DKK2: variants seen among roughly 807,000 people sequenced by gnomAD.
The protein encoded by DKK2 is dickkopf-related protein 2.
In DKK2, 11 loss-of-function variants were observed where a neutral mutation model predicts 28.1. The observed-to-expected ratio is 0.39, with a 90% CI of 0.25 to 0.65. The LOEUF is 0.65. Among genes scored for constraint, DKK2 ranks in the 30% least tolerant of loss-of-function variants. The probability of loss-of-function intolerance (pLI) is 0.47; values close to 1 mark genes in which losing one functional copy is unlikely to be tolerated. For missense variants in DKK2, 326 were observed against 335.5 expected (o/e 0.97, Z 0.22); for synonymous variants, 135 against 126.5 (o/e 1.07, Z -0.45).
chr4:107,032,743 T>TA (rs768480511), intron 1 of DKK2, among the ~76,000 whole-genome samples: 3 of 152,110 alleles, frequency 2.0e-5, no homozygotes, highest in Non-Finnish European at 4.4e-5. Context: ...AAATAAAACT[T>TA]ATTAGGTCTT....
At chr4:107,010,148 A>G (rs1723496429) in intron 1 of DKK2, among the ~76,000 whole-genome samples, 1 of 151,662 alleles carries the variant, frequency 6.6e-6, no homozygotes, top group Non-Finnish European at 1.5e-5. Context: ...GCCCTCCCCC[A>G]AAGTAGGAAA....
rs887279355 is a variant in DKK2, at chr4:107,035,824, T to C, written c.-233A>G. The C allele has an allele frequency of 7.0e-6, 4 of 572,622 alleles. No individual in the cohort carries two copies. Among genetic ancestry groups the C allele is most frequent in the Middle Eastern group, 9.2e-4 (2 of 2,170 alleles). 35.5% of individuals were successfully genotyped at this position (572,622 alleles called of 1,614,324 possible). A position where few individuals can be genotyped will look rare whatever the true frequency, so the allele number is the denominator to read the frequency against. ...GCTTCTCCACCAGGACAGGAAGTTC[T>C]GCAATAACTGGAAGCAATCAAATGC... On this transcript the variant is annotated 5_prime_UTR_variant, in exon 1 of 4. Coordinates refer to ENST00000285311, the MANE Select transcript of DKK2 (RefSeq NM_014421.3).
At position 106,925,893 on chromosome 4, in the gene DKK2, G is replaced by T. The variant is rs1724417828; in HGVS notation, c.279C>A (p.Pro93=). ...ECEVGRYCHS[P]HQGSSACMVC... ...CCATGCAGGCCGATGATCCTTGGTG[G>T]GGACTGTGGCAATACCTCCCAACTT... Residue 93 remains proline, a synonymous_variant, in exon 2 of 4, where the codon CCC becomes CCA. Coordinates refer to ENST00000285311, the MANE Select transcript of DKK2 (RefSeq NM_014421.3). 1.9e-6 allele frequency: 3 copies of T among 1,613,684 alleles called. No homozygotes were observed. Among genetic ancestry groups the T allele is most frequent in the Non-Finnish European group, 1.7e-6 (2 of 1,179,850 alleles).
chr4:106,938,320 A>G (rs976606471), intron 1 of DKK2, among the ~76,000 whole-genome samples: 15 of 152,232 alleles, frequency 9.9e-5, no homozygotes, highest in African/African-American at 3.6e-4. Flanking sequence ...CCAAACTACC[A>G]TCAGAGAATA....
At chr4:106,960,143 T>C (rs1454003840) in intron 1 of DKK2, among the ~76,000 whole-genome samples, 2 of 148,346 alleles carry the variant, frequency 1.3e-5, no homozygotes, top group African/African-American at 2.5e-5. Context: ...CACACACACA[T>C]ATATATACAT....
intron 1 of DKK2, among the ~76,000 whole-genome samples, chr4:107,032,903 C>T (rs967178106): frequency 1.3e-5 from 2 of 151,030 alleles, no homozygotes; most frequent in East Asian, 3.9e-4. Context: ...AACATCTTCC[C>T]TGTAATAGCC....
At chr4:106,988,057 G>C (rs929052668) in intron 1 of DKK2, among the ~76,000 whole-genome samples, 1 of 152,124 alleles carries the variant, frequency 6.6e-6, no homozygotes, top group East Asian at 1.9e-4. Context: ...ATAGAGACAG[G>C]GTTTCACCAT....
intron 1 of DKK2, among the ~76,000 whole-genome samples, chr4:107,007,048 A>G (rs1331829226): frequency 6.6e-6 from 1 of 152,182 alleles, no homozygotes; most frequent in Non-Finnish European, 1.5e-5. Context: ...AATAGGACTG[A>G]AAGTCTTCAG....
chr4:106,995,703 C>T (rs1723262650), intron 1 of DKK2, among the ~76,000 whole-genome samples: 1 of 152,170 alleles, frequency 6.6e-6, no homozygotes, highest in Non-Finnish European at 1.5e-5. Flanking sequence ...ACCTGCGCCT[C>T]CTGGGTTCAA....
intron 1 of DKK2, among the ~76,000 whole-genome samples, chr4:106,935,075 T>C (rs1724559523): frequency 6.6e-6 from 1 of 152,104 alleles, no homozygotes; most frequent in East Asian, 1.9e-4. Context: ...AATAGACTAA[T>C]AAACCTTTTG....
At chr4:106,928,842 G>GCAGTTGC (rs1382561482) in intron 1 of DKK2, among the ~76,000 whole-genome samples, 1 of 152,162 alleles carries the variant, frequency 6.6e-6, no homozygotes, top group Non-Finnish European at 1.5e-5. Context: ...TGAGGGTTCT[G>GCAGTTGC]CAGTTGCCAG....
intron 2 of DKK2, among the ~76,000 whole-genome samples, chr4:106,925,058 T>C (rs1033726901): frequency 2.6e-5 from 4 of 152,208 alleles, no homozygotes; most frequent in Admixed American, 2.0e-4. Flanking sequence ...TCCAGATTCC[T>C]TTATTAATTA....
intron 1 of DKK2, among the ~76,000 whole-genome samples, chr4:106,988,076 G>C (rs868490469): frequency 6.6e-6 from 1 of 152,122 alleles, no homozygotes; most frequent in African/African-American, 2.4e-5. Flanking sequence ...ATGTTAGCCA[G>C]GATGGTCTCA....
chr4:106,925,587 T>A (rs1724412974), intron 2 of DKK2, among the ~76,000 whole-genome samples: 1 of 152,204 alleles, frequency 6.6e-6, no homozygotes. Context: ...ATATTCTAGA[T>A]CAGTGTAGGT....
chr4:106,978,505 C>T (rs753215507), intron 1 of DKK2, among the ~76,000 whole-genome samples: 42 of 152,038 alleles, frequency 2.8e-4, no homozygotes, highest in South Asian at 2.1e-4. Flanking sequence ...TGGGCTCTGC[C>T]GAGTTCAAAC....
intron 1 of DKK2, among the ~76,000 whole-genome samples, chr4:107,013,016 C>T: frequency 6.6e-6 from 1 of 150,772 alleles, no homozygotes; most frequent in East Asian, 1.9e-4. Context: ...CCATCCAACC[C>T]AAGAACTATA....
chr4:106,940,182 A>C (rs1476462710), intron 1 of DKK2, among the ~76,000 whole-genome samples: 1 of 152,212 alleles, frequency 6.6e-6, no homozygotes, highest in Non-Finnish European at 1.5e-5. Flanking sequence ...AACCTGCAAA[A>C]TGGGAGAAAA....
chr4:106,943,687 A>G (rs145108930), intron 1 of DKK2, among the ~76,000 whole-genome samples: 4 of 152,112 alleles, frequency 2.6e-5, no homozygotes, highest in African/African-American at 9.7e-5. Context: ...AAGTACTATC[A>G]TCAGTTCTGC....
chr4:106,950,159 G>T (rs1480088639), intron 1 of DKK2, among the ~76,000 whole-genome samples: 2 of 152,258 alleles, frequency 1.3e-5, no homozygotes, highest in East Asian at 3.9e-4. Flanking sequence ...AGGTCTTCAA[G>T]AAATATTCTA....
Sources: allele counts gnomAD v4.1 joint callset (sites outside exome capture counted in the v4.1 genomes callset), GRCh38; gene constraint gnomAD v4.1.1; transcripts MANE v1.5; gene names NCBI Gene and HGNC (gene_info 2026-07-23, HGNC 2026-07-21).